NBEA: variants seen among roughly 807,000 people sequenced by gnomAD.
NBEA encodes the protein lysosomal-trafficking regulator 2.
NBEA carries 44 observed loss-of-function variants against 343.4 expected under a neutral mutation model. That is an observed-to-expected ratio of 0.13 (90% confidence interval 0.10 to 0.16). The LOEUF (loss-of-function observed/expected upper bound fraction) is 0.16. NBEA is among the 10% of genes least tolerant of loss of function. NBEA has a pLI of 1.00. For missense variants in NBEA, 2,555 were observed against 3,631.3 expected, an observed-to-expected ratio of 0.70 and a Z score of 7.62; for synonymous variants, 1,175 against 1,238.7, an observed-to-expected ratio of 0.95 and a Z score of 1.08.
intron 1 of NBEA, among the ~76,000 whole-genome samples, chr13:34,954,345 C>T (rs1350144022): frequency 6.6e-6 from 1 of 152,160 alleles, no homozygotes; most frequent in East Asian, 1.9e-4. Context: ...TGAGGATCAG[C>T]ACATTATCTT....
At chr13:35,206,880 AC>A (rs1224756291) in intron 31 of NBEA, among the ~76,000 whole-genome samples, 1 of 152,054 alleles carries the variant, frequency 6.6e-6, no homozygotes, top group East Asian at 1.9e-4. Flanking sequence ...ATGTCACACT[AC>A]CTCTCAATGA....
chr13:35,284,387 C>T (rs2035278858), intron 34 of NBEA, among the ~76,000 whole-genome samples: 2 of 151,830 alleles, frequency 1.3e-5, no homozygotes, highest in Admixed American at 1.3e-4. Context: ...AATTTATAAT[C>T]CAAACATGAA....
chr13:35,476,761 G>C lies in NBEA; in HGVS notation c.6585+4225G>C, dbSNP rs774843490. On this transcript the variant is annotated intron_variant, in intron 41 of 58. Coordinates refer to ENST00000379939, the MANE Select transcript of NBEA (RefSeq NM_001385012.1). The stretch of plus-strand genomic sequence containing the variant: ...CAGGCGGGCGGCCAATCGCCACTGG[G>C]CTCGTCACGACAGCCTCCTTCAGCT... The C allele has an allele frequency of 1.3e-5, 14 of 1,051,776 alleles. No homozygotes were observed. The Admixed American group carries it at 6.0e-4, about 45-fold the overall frequency. The allele number at this position is 1,051,776 out of a possible 1,614,324, so 65.2% of individuals were successfully genotyped here. A position where few individuals can be genotyped will look rare whatever the true frequency, so the allele number is the denominator to read the frequency against.
chr13:35,655,777 T>A, intron 55 of NBEA, 28 bp downstream of exon 55: 3 of 1,585,084 alleles, frequency 1.9e-6, no homozygotes, highest in Non-Finnish European at 2.6e-6. Flanking sequence ...ATTTGTCCTA[T>A]CAAACTATAG....
chr13:35,582,896 TCTA>T (rs572456725), intron 45 of NBEA, among the ~76,000 whole-genome samples: 8 of 152,202 alleles, frequency 5.3e-5, no homozygotes, highest in Middle Eastern at 3.2e-3. Flanking sequence ...ACACTAATTT[TCTA>T]CTACTTCTCT....
chr13:35,420,464 T>C (rs2152923080), intron 38 of NBEA, among the ~76,000 whole-genome samples: 1 of 152,120 alleles, frequency 6.6e-6, no homozygotes, highest in East Asian at 1.9e-4. Flanking sequence ...GGATGGATAT[T>C]GGTCTGTAGT....
At chr13:35,404,766 TA>T (rs1030536170) in intron 38 of NBEA, among the ~76,000 whole-genome samples, 1 of 151,224 alleles carries the variant, frequency 6.6e-6, no homozygotes, top group Non-Finnish European at 1.5e-5. Context: ...TAATAAAATT[TA>T]AAAAAAAGAA....
intron 24 of NBEA, among the ~76,000 whole-genome samples, chr13:35,165,317 A>G (rs1325778973): frequency 1.3e-5 from 2 of 152,154 alleles, no homozygotes; most frequent in African/African-American, 2.4e-5. Context: ...TGAAACTTCA[A>G]CATTAGCAGC....
At chr13:34,971,984 T>TGGTTGGTA (rs1415990572) in intron 1 of NBEA, among the ~76,000 whole-genome samples, 1 of 152,110 alleles carries the variant, frequency 6.6e-6, no homozygotes, top group East Asian at 1.9e-4. Flanking sequence ...GGGCTTTTTT[T>TGGTTGGTA]GGTTGGTAGG....
chr13:35,522,475 C>CAAAAAAAAAAAAAAA (rs138270833), intron 41 of NBEA, among the ~76,000 whole-genome samples: 33 of 42,074 alleles, frequency 7.8e-4, no homozygotes, highest in South Asian at 2.7e-3. Flanking sequence ...ATACCATCTC[C>CAAAAAAAAAAAAAAA]AAAAAAAAAA....
intron 41 of NBEA, among the ~76,000 whole-genome samples, chr13:35,522,440 A>G (rs2077761370): frequency 7.7e-6 from 1 of 129,500 alleles, no homozygotes; most frequent in African/African-American, 2.9e-5. Context: ...TGCACTCCAC[A>G]CTCCAGCCTG....
At chr13:35,182,644 G>C in intron 29 of NBEA, 116 bp downstream of exon 29, 2 of 980,412 alleles carry the variant, frequency 2.0e-6, no homozygotes, top group Non-Finnish European at 3.0e-6. Flanking sequence ...TTTATGAATG[G>C]TTGGTATAGA....
At chr13:35,401,379 A>G (rs1163175639) in intron 38 of NBEA, among the ~76,000 whole-genome samples, 1 of 152,066 alleles carries the variant, frequency 6.6e-6, no homozygotes, top group Admixed American at 6.6e-5. Context: ...CTGACAACAC[A>G]TTACAAAGTA....
intron 36 of NBEA, among the ~76,000 whole-genome samples, chr13:35,312,229 T>A (rs1418082751): frequency 6.6e-6 from 1 of 152,158 alleles, no homozygotes; most frequent in Non-Finnish European, 1.5e-5. Context: ...TACCACAGAA[T>A]AATTTACCTA....
At chr13:35,236,271 G>A (rs1699672383) in intron 34 of NBEA, among the ~76,000 whole-genome samples, 1 of 151,912 alleles carries the variant, frequency 6.6e-6, no homozygotes, top group Non-Finnish European at 1.5e-5. Flanking sequence ...CTCACAATTT[G>A]GTCATAACCC....
chr13:35,118,320 A>T, intron 15 of NBEA, 30 bp downstream of exon 15: 1 of 1,563,718 alleles, frequency 6.4e-7, no homozygotes, highest in South Asian at 1.2e-5. Flanking sequence ...TTTTATTTTA[A>T]TTATTTAAGC....
At chr13:35,336,702 A>G (rs1431298679) in intron 36 of NBEA, among the ~76,000 whole-genome samples, 1 of 152,034 alleles carries the variant, frequency 6.6e-6, no homozygotes, top group Non-Finnish European at 1.5e-5. Flanking sequence ...AAAAAATGAA[A>G]CCATGTCCTT....
intron 40 of NBEA, among the ~76,000 whole-genome samples, chr13:35,466,750 T>C (rs1028232849): frequency 7.2e-5 from 11 of 152,154 alleles, no homozygotes; most frequent in Non-Finnish European, 1.2e-4. Flanking sequence ...ATTACAAGTG[T>C]GAGCCACCAT....
chr13:35,217,319 T>C (rs1332399416), intron 33 of NBEA, among the ~76,000 whole-genome samples: 1 of 151,982 alleles, frequency 6.6e-6, no homozygotes, highest in Non-Finnish European at 1.5e-5. Flanking sequence ...TTAGACGTGC[T>C]CCCTGTTTCA....
Sources: gnomAD v4.1 joint callset for allele counts (sites outside exome capture counted in the v4.1 genomes callset) on GRCh38, gnomAD v4.1.1 for gene constraint, MANE v1.5 for transcripts, NCBI Gene and HGNC (gene_info 2026-07-23, HGNC 2026-07-21) for gene names.